The following ME1 variants were observed in gnomAD, a reference collection of about 807,000 sequenced individuals.
ME1 encodes the protein malic enzyme 1.
A neutral mutation model predicts 66.4 loss-of-function variants in ME1; 74 were observed. The ratio of observed to expected loss-of-function variants is 1.11; its 90% CI spans 0.92 to 1.35. The LOEUF (loss-of-function observed/expected upper bound fraction) is 1.35. Among genes scored for constraint, ME1 ranks in the 40% most tolerant of loss-of-function variants. The probability of loss-of-function intolerance (pLI) is 0.00; values close to 1 mark genes in which losing one functional copy is unlikely to be tolerated. For synonymous variants in ME1, 251 were observed against 235.6 expected, an observed-to-expected ratio of 1.07 and a Z score of -0.60; for missense variants, 750 against 694.1, an observed-to-expected ratio of 1.08 and a Z score of -0.90.
At chr6:83,270,558 G>A (rs924070687) in intron 6 of ME1, among the ~76,000 whole-genome samples, 11 of 152,060 alleles carry the variant, frequency 7.2e-5, no homozygotes, top group Non-Finnish European at 1.3e-4. Flanking sequence ...GTAGTGGCAC[G>A]CTAATGGAGG....
intron 6 of ME1, among the ~76,000 whole-genome samples, chr6:83,299,091 G>T (rs1455431033): frequency 6.6e-6 from 1 of 150,628 alleles, no homozygotes; most frequent in Non-Finnish European, 1.5e-5. Context: ...GCTCTTTTTT[G>T]GTTTCACACG....
intron 5 of ME1, among the ~76,000 whole-genome samples, chr6:83,326,819 C>T (rs897425430): frequency 2.6e-5 from 4 of 152,164 alleles, no homozygotes; most frequent in Non-Finnish European, 4.4e-5. Context: ...CTATGGAAGA[C>T]AGTGTGGCGA....
intron 5 of ME1, among the ~76,000 whole-genome samples, chr6:83,333,516 T>C (rs1164245642): frequency 6.6e-6 from 1 of 152,204 alleles, no homozygotes; most frequent in Non-Finnish European, 1.5e-5. Context: ...TGATTCCAAA[T>C]ATTTTTCTAT....
At chr6:83,398,539 G>A in intron 2 of ME1, 23 bp from the exon 3 acceptor site, 1 of 1,350,642 alleles carries the variant, frequency 7.4e-7, no homozygotes, top group Non-Finnish European at 1.0e-6. Context: ...GACATAATTA[G>A]ATCTACATCC....
intron 1 of ME1, among the ~76,000 whole-genome samples, chr6:83,424,278 TTTAAG>T (rs911514770): frequency 2.6e-5 from 4 of 152,138 alleles, no homozygotes; most frequent in Admixed American, 2.6e-4. Flanking sequence ...AAATTTTAAC[TTTAAG>T]TTGACTGTGA....
chr6:83,423,245 T>A (rs756104814), intron 1 of ME1, among the ~76,000 whole-genome samples: 2 of 151,858 alleles, frequency 1.3e-5, no homozygotes, highest in African/African-American at 4.8e-5. Context: ...CTCATTATTA[T>A]ATAACTATTG....
At chr6:83,399,310 A>C (rs1238152500) in intron 2 of ME1, among the ~76,000 whole-genome samples, 2 of 152,172 alleles carry the variant, frequency 1.3e-5, no homozygotes, top group African/African-American at 4.8e-5. Context: ...AATACTCTTA[A>C]ATATTGCAAA....
chr6:83,251,880 T>C (rs1790731187), intron 7 of ME1, among the ~76,000 whole-genome samples: 1 of 152,118 alleles, frequency 6.6e-6, no homozygotes, highest in Non-Finnish European at 1.5e-5. Context: ...AGATCAGATT[T>C]CTATAGCAAA....
chr6:83,410,644 T>C (rs746706068), intron 1 of ME1, among the ~76,000 whole-genome samples: 25 of 152,098 alleles, frequency 1.6e-4, no homozygotes, highest in Non-Finnish European at 3.5e-4. Context: ...TATATAAATA[T>C]ATGTGAAGAA....
At chr6:83,357,933 C>CTCTCTCTCTCTCTATA (rs1768926642) in intron 3 of ME1, among the ~76,000 whole-genome samples, 1 of 44,966 alleles carries the variant, frequency 2.2e-5, no homozygotes, top group Non-Finnish European at 4.2e-5. Flanking sequence ...CTCTCTCTCT[C>CTCTCTCTCTCTCTATA]TCTATATATA....
At chr6:83,408,148 T>A (rs1288241451) in intron 1 of ME1, among the ~76,000 whole-genome samples, 2 of 151,996 alleles carry the variant, frequency 1.3e-5, no homozygotes, top group African/African-American at 2.4e-5. Context: ...TAAAATCAGA[T>A]GATGAATGGA....
In ME1 at chr6:83,398,453, A is replaced by G; in HGVS notation, c.276T>C (p.Ser92=). The G allele has an allele frequency of 6.3e-7, 1 of 1,593,118 alleles. No homozygotes were observed. The highest frequency in any genetic ancestry group is 1.1e-5 in the South Asian group (1 of 89,246). Residue 92 remains serine (S), a synonymous_variant, in exon 3 of 14, where the codon TCT becomes TCC. Transcript: ENST00000369705. The part of the protein sequence containing the change: ...NEKLFYRVLT[S]DIEKFMPIVY... ...CAATAGGCATGAATTTCTCAATGTC[A>G]GATGTCAGCACTCTATAAAAGAGTT...
chr6:83,216,196 A>G (rs59398650), intron 13 of ME1, among the ~76,000 whole-genome samples: 7 of 152,248 alleles, frequency 4.6e-5, no homozygotes, highest in Non-Finnish European at 1.0e-4. Context: ...GAACAACTTT[A>G]AAAAGGTGAA....
At chr6:83,357,935 C>CTCTCTCTCTCTCTCTCTA (rs1447805761) in intron 3 of ME1, among the ~76,000 whole-genome samples, 5 of 30,038 alleles carry the variant, frequency 1.7e-4, no homozygotes, top group African/African-American at 2.3e-4. Context: ...CTCTCTCTCT[C>CTCTCTCTCTCTCTCTCTA]TATATATATA....
chr6:83,211,977 A>G lies in ME1; in HGVS notation c.1666T>C (p.Cys556Arg). The G allele has an allele frequency of 6.2e-7, 1 of 1,609,428 alleles. No individual in the cohort carries two copies. The highest frequency in any genetic ancestry group is 8.5e-7 in the Non-Finnish European group (1 of 1,177,378). ...TGCACCTCTTCAGGCCAAGAATAAC[A>G]ATCAGGTAGAATCTGGTCATAATCA... ...STDYDQILPD[C>R]YSWPEEVQKI... The change falls in exon 14 of 14, where the codon TGT becomes CGT. Residue 556 changes from cysteine to arginine, a missense_variant. Cys to Arg is a radical substitution (Grantham distance 180, BLOSUM62 -3). Transcript: ENST00000369705.
At chr6:83,213,841 A>C (rs1460428074) in intron 13 of ME1, among the ~76,000 whole-genome samples, 2 of 152,222 alleles carry the variant, frequency 1.3e-5, no homozygotes, top group Non-Finnish European at 2.9e-5. Flanking sequence ...AGCAGGAAAC[A>C]ATATGTATAT....
At chr6:83,340,621 G>T (rs916516291) in intron 5 of ME1, among the ~76,000 whole-genome samples, 1 of 151,748 alleles carries the variant, frequency 6.6e-6, no homozygotes, top group African/African-American at 2.4e-5. Context: ...CCACTAGTAA[G>T]TGGTGAAACT....
intron 6 of ME1, among the ~76,000 whole-genome samples, chr6:83,267,561 G>A (rs1767009929): frequency 6.6e-6 from 1 of 152,136 alleles, no homozygotes; most frequent in Non-Finnish European, 1.5e-5. Context: ...ATAAAACTAT[G>A]TCTCTTAAGG....
rs768943914 is a variant in ME1, at chr6:83,346,186, C to G, written c.587G>C (p.Gly196Ala). 2.5e-6 allele frequency: 4 copies of G among 1,607,422 alleles called. No individual in the cohort carries two copies. The South Asian group carries it at 3.3e-5, about 13-fold the overall frequency. ...TAAATTATTTACCTCATTTTCGGTT[C>G]CCACATCCAGAATGACAGGCAGACA... ...QECLPVILDV[G>A]TENEELLKDP... The change falls in exon 5 of 14, where the codon GGA becomes GCA. Residue 196 changes from glycine to alanine, a missense_variant. Transcript: ENST00000369705.
Sources: gnomAD v4.1 joint callset for allele counts (sites outside exome capture counted in the v4.1 genomes callset) on GRCh38, gnomAD v4.1.1 for gene constraint, MANE v1.5 for transcripts, NCBI Gene and HGNC (gene_info 2026-07-23, HGNC 2026-07-21) for gene names.